APBA2: variants seen among roughly 807,000 people sequenced by gnomAD.
APBA2 encodes amyloid-beta A4 precursor protein-binding family A member 2.
Under a neutral mutation model 75.0 loss-of-function variants are expected in APBA2, and 30 were observed. That is an observed-to-expected ratio of 0.40 (90% CI 0.30 to 0.54). The LOEUF (loss-of-function observed/expected upper bound fraction) is 0.54, where lower values mean the gene tolerates loss of function less well. Ranked by LOEUF, APBA2 falls within the 20% of genes least tolerant of loss-of-function variation. The pLI, the probability that APBA2 is intolerant of heterozygous loss-of-function variation, is 0.49. For synonymous variants in APBA2, 444 were observed against 409.6 expected (o/e 1.08, Z -1.01); for missense variants, 801 against 1,016.1 (o/e 0.79, Z 2.88).
At chr15:28,929,059 T>G (rs1175357553) in intron 2 of APBA2, among the ~76,000 whole-genome samples, 3 of 152,204 alleles carry the variant, frequency 2.0e-5, no homozygotes, top group African/African-American at 7.2e-5. Context: ...GTGCACCATT[T>G]TCTAGTCATG....
chr15:28,891,121 C>T (rs1356580215), intron 1 of APBA2, among the ~76,000 whole-genome samples: 2 of 152,162 alleles, frequency 1.3e-5, no homozygotes, highest in Non-Finnish European at 2.9e-5. Flanking sequence ...GTTTTGATGG[C>T]GAAACCACTG....
chr15:29,046,244 C>T lies in APBA2; in HGVS notation c.-40-7601C>T, dbSNP rs1337833357. On this transcript the variant is annotated intron_variant, in intron 3 of 14. Transcript: ENST00000683413. This position sits in a 1 kb window ranked among gnomAD's most constrained non-coding sequence, Gnocchi z 5.0. ...TGAACTCAATGAGATACCAGAAATC[C>T]AGTAGGAGAACACTTTCTTTGAAAG... Among the ~76,000 whole-genome samples, 1 of 152,218 alleles carries T rather than the reference C, an allele frequency of 6.6e-6. No homozygotes were observed. The highest frequency in any genetic ancestry group is 2.4e-5 in the African/African-American group (1 of 41,468).
At chr15:28,969,417 T>TA (rs1453005996) in intron 2 of APBA2, among the ~76,000 whole-genome samples, 2 of 152,140 alleles carry the variant, frequency 1.3e-5, no homozygotes, top group East Asian at 3.9e-4. Flanking sequence ...TGACCTCAGG[T>TA]AATCTGCCCA....
At chr15:29,003,086 G>C (rs1344291226) in intron 3 of APBA2, among the ~76,000 whole-genome samples, 1 of 152,098 alleles carries the variant, frequency 6.6e-6, no homozygotes, top group South Asian at 2.1e-4. Flanking sequence ...GGTGGCAGAG[G>C]CCAGCTTGAC....
At chr15:28,900,394 A>G (rs564852467) in intron 1 of APBA2, among the ~76,000 whole-genome samples, 68 of 152,336 alleles carry the variant, frequency 4.5e-4, no homozygotes, top group South Asian at 8.3e-4. Flanking sequence ...AGGGTCCCAC[A>G]TGACAGAGAC....
intron 3 of APBA2, among the ~76,000 whole-genome samples, chr15:29,038,689 T>C (rs939193233): frequency 1.3e-4 from 18 of 139,762 alleles, no homozygotes; most frequent in African/African-American, 4.2e-4. Context: ...TTTTTTTTTT[T>C]CTGAGACGAA....
intron 3 of APBA2, among the ~76,000 whole-genome samples, chr15:29,014,704 G>GTTTT (rs531887593): frequency 0.016 from 2,018 of 125,584 alleles, 65 homozygotes; most frequent in African/African-American, 0.056. Flanking sequence ...TCATTTGACT[G>GTTTT]TTTTTTTTTT....
intron 6 of APBA2, among the ~76,000 whole-genome samples, chr15:29,085,078 T>C (rs1327647846): frequency 1.3e-5 from 2 of 152,156 alleles, no homozygotes; most frequent in South Asian, 2.1e-4. Flanking sequence ...TGCCAAATGG[T>C]GGTGTTCTAA....
intron 2 of APBA2, among the ~76,000 whole-genome samples, chr15:28,936,443 C>T (rs926281086): frequency 6.6e-6 from 1 of 152,150 alleles, no homozygotes; most frequent in South Asian, 2.1e-4. Flanking sequence ...GTGGACCTGG[C>T]GAATGGCTGT....
chr15:29,075,987 AG>A (rs2042831562), intron 5 of APBA2, 67 bp from the exon 6 acceptor site: 1 of 1,429,248 alleles, frequency 7.0e-7, no homozygotes, highest in Admixed American at 1.7e-5. Context: ...AGCCCTGCTT[AG>A]CCTTCACCTT....
At chr15:29,070,610 A>G (rs1345397801) in intron 4 of APBA2, 2 of 165,432 alleles carry the variant, frequency 1.2e-5, no homozygotes, top group Admixed American at 5.8e-5. Flanking sequence ...CAATACCGTA[A>G]TGTTTTCTGA....
chr15:28,899,786 CCT>C (rs1427126688), intron 1 of APBA2, among the ~76,000 whole-genome samples: 7 of 152,024 alleles, frequency 4.6e-5, no homozygotes, highest in Admixed American at 4.6e-4. Flanking sequence ...TTCGTGGTCG[CCT>C]CTGTGTGTTG....
intron 5 of APBA2, among the ~76,000 whole-genome samples, chr15:29,075,371 A>G (rs759210863): frequency 3.3e-5 from 5 of 152,296 alleles, no homozygotes; most frequent in Admixed American, 1.3e-4. Context: ...GACACCATTA[A>G]CATTGAGGCC....
Position 28,910,185 on chromosome 15 carries a change from A to G in APBA2, c.-204-11455A>G, listed in dbSNP as rs2033363062. Among the ~76,000 whole-genome samples the G allele has an allele frequency of 3.3e-5, 5 of 152,320 alleles. No individual in the cohort carries two copies. The South Asian group carries it at 1.0e-3, about 32-fold the overall frequency. On this transcript the variant is annotated intron_variant, in intron 1 of 14. Coordinates refer to ENST00000683413, the MANE Select transcript of APBA2 (RefSeq NM_001353788.2). ...TTATAAGCACTTTCAGCATTTGCTT[A>G]CTTTGGTCTGAGTAAAAGAATTGTC...
chr15:29,069,847 G>A (rs2042542916), intron 4 of APBA2, among the ~76,000 whole-genome samples: 1 of 152,268 alleles, frequency 6.6e-6, no homozygotes, highest in South Asian at 2.1e-4. Flanking sequence ...GCAGTGACAA[G>A]TTTAGATAAA....
At chr15:29,042,449 A>G (rs2041095541) in intron 3 of APBA2, among the ~76,000 whole-genome samples, 1 of 151,982 alleles carries the variant, frequency 6.6e-6, no homozygotes, top group South Asian at 2.1e-4. Context: ...TAGTAGAGAC[A>G]GGGTTTCACT....
intron 3 of APBA2, among the ~76,000 whole-genome samples, chr15:29,023,612 T>C (rs1263260085): frequency 6.6e-6 from 1 of 151,520 alleles, no homozygotes; most frequent in East Asian, 2.0e-4. Flanking sequence ...TCCGCCCCCA[T>C]GCTTGACTAA....
At chr15:28,965,841 T>C (rs1232084588) in intron 2 of APBA2, among the ~76,000 whole-genome samples, 1 of 152,214 alleles carries the variant, frequency 6.6e-6, no homozygotes, top group Admixed American at 6.5e-5. Context: ...CTTACTGAAC[T>C]ATATGTTTTC....
intron 3 of APBA2, among the ~76,000 whole-genome samples, chr15:29,007,480 C>T (rs981177435): frequency 6.6e-6 from 1 of 152,140 alleles, no homozygotes; most frequent in African/African-American, 2.4e-5. Flanking sequence ...ATTCATACAT[C>T]TGATAAAGGG....
Sources: gnomAD v4.1 joint callset for allele counts (sites outside exome capture counted in the v4.1 genomes callset) on GRCh38, gnomAD v4.1.1 for gene constraint, Gnocchi (gnomAD v3.1) non-coding constraint, MANE v1.5 for transcripts, NCBI Gene and HGNC (gene_info 2026-07-23, HGNC 2026-07-21) for gene names.